RBL2: variants seen among roughly 807,000 people sequenced by gnomAD.
The protein encoded by RBL2 is retinoblastoma-like protein 2.
Under a neutral mutation model 126.0 loss-of-function variants are expected in RBL2, and 56 were observed. The ratio of observed to expected loss-of-function variants is 0.44; its 90% CI spans 0.36 to 0.56. RBL2 has a LOEUF of 0.56. RBL2 is among the 20% of genes least tolerant of loss of function. RBL2 has a pLI of 0.00. For synonymous variants in RBL2, 454 were observed against 478.5 expected (o/e 0.95, Z 0.67); for missense variants, 1,229 against 1,398.2 (o/e 0.88, Z 1.93).
chr16:53,454,890 C>G (rs2058152488), intron 8 of RBL2, 48 bp downstream of exon 8: 6 of 1,442,308 alleles, frequency 4.2e-6, no homozygotes, highest in Non-Finnish European at 5.5e-6. Flanking sequence ...GCAGGTAAGC[C>G]AGGGGTTCTT....
At chr16:53,442,032 T>A (rs771559115) in intron 2 of RBL2, among the ~76,000 whole-genome samples, 9 of 151,968 alleles carry the variant, frequency 5.9e-5, no homozygotes, top group Non-Finnish European at 1.2e-4. Flanking sequence ...ATGTTGGCCA[T>A]GCTGGTTTCA....
chr16:53,447,191 AG>A, intron 4 of RBL2, 85 bp downstream of exon 4: 1 of 678,362 alleles, frequency 1.5e-6, no homozygotes, highest in Non-Finnish European at 2.3e-6. Flanking sequence ...AATATGTATC[AG>A]GAAAAGATTT....
intron 19 of RBL2, 73 bp from the exon 20 acceptor site, chr16:53,480,494 C>T: frequency 7.6e-7 from 1 of 1,320,258 alleles, no homozygotes; most frequent in Non-Finnish European, 1.1e-6. Flanking sequence ...TTCCCTTTCT[C>T]CTACTTTTAA....
rs779698331 is a variant in RBL2, at chr16:53,480,733, G to A, written c.3048G>A (p.Gln1016=). The A allele has an allele frequency of 2.2e-5, 36 of 1,613,248 alleles. No homozygotes were observed. The South Asian group carries it at 3.4e-4, about 15-fold the overall frequency. The part of the protein sequence containing the change: ...IQFYNNIYIK[Q]IKTFAMKYSQ... ...TCTACAACAACATCTACATCAAACA[G>A]ATTAAGACATTTGCCATGAAGTACT... Residue 1016 remains glutamine, a synonymous_variant, in exon 20 of 22, where the codon CAG becomes CAA. Transcript: ENST00000262133.
chr16:53,462,835 A>G (rs547775357), intron 11 of RBL2, among the ~76,000 whole-genome samples, 180 bp downstream of exon 11: 1 of 152,008 alleles, frequency 6.6e-6, no homozygotes, highest in Non-Finnish European at 1.5e-5. Flanking sequence ...TTATGTATGT[A>G]TGTATGTATG....
At position 53,447,043 on chromosome 16, in the gene RBL2, C is replaced by T. The variant is rs2058068934; in HGVS notation, c.574C>T (p.Arg192Ter). The part of the protein sequence containing the change: ...PRQQRGRKQR[R>*]QPCTVSEIFH... ...ACTTTTTTTTTTCTTCCCCCAAAGGCGACAGCCCTGTACTGTGTCTGAAAT... is the reference window on the plus strand; with the variant it reads ...ACTTTTTTTTTTCTTCCCCCAAAGGTGACAGCCCTGTACTGTGTCTGAAAT... The change falls in exon 4 of 22, where the codon CGA (arginine) becomes TGA (stop). Residue 192 changes from arginine (R) to a stop codon, truncating the protein, a stop_gained and splice_region_variant. Transcript: ENST00000262133. LOFTEE classifies it high-confidence loss of function. 6.6e-7 allele frequency: 1 copy of T among 1,516,854 alleles called. No homozygotes were observed. The highest frequency in any genetic ancestry group is 8.8e-7 in the Non-Finnish European group (1 of 1,136,696). The allele number at this position is 1,516,854 out of a possible 1,614,324, so 94.0% of individuals were successfully genotyped here. A position where few individuals can be genotyped will look rare whatever the true frequency, so the allele number is the denominator to read the frequency against.
At chr16:53,481,537 A>C (rs1960946392) in intron 20 of RBL2, 134 bp from the exon 21 acceptor site, 1 of 802,002 alleles carries the variant, frequency 1.2e-6, no homozygotes, top group African/African-American at 1.8e-5. Context: ...TCTTTAGGTT[A>C]AGTTATTGCT....
Position 53,434,669 on chromosome 16 carries a change from C to A in RBL2, c.113C>A (p.Ala38Asp). 15 of 1,572,106 alleles carry A rather than the reference C, an allele frequency of 9.5e-6. No individual in the cohort carries two copies. Among genetic ancestry groups the A allele is most frequent in the Non-Finnish European group, 1.3e-5 (15 of 1,168,546 alleles). ...DGEAEDAAPP[A>D]ESPTPQIQQR... ...GAGGCGGAAGACGCCGCGCCGCCTGCCGAGTCGCCCACCCCTCAGATCCAG... is the reference window on the plus strand; with the variant it reads ...GAGGCGGAAGACGCCGCGCCGCCTGACGAGTCGCCCACCCCTCAGATCCAG... Residue 38 changes from alanine (A) to aspartate (D), a missense_variant, in exon 1 of 22, where the codon GCC (alanine) becomes GAC (aspartate). Transcript: ENST00000262133.
At position 53,437,647 on chromosome 16, in the gene RBL2, G is replaced by A. The variant is rs183898330; in HGVS notation, c.241-1369G>A. 3.9e-5 allele frequency among the ~76,000 whole-genome samples: 6 copies of A among 152,228 alleles called. No individual in the cohort carries two copies. The East Asian group carries it at 7.7e-4, about 20-fold the overall frequency. ...TTTTATGTATTCATGTATGTGTTTT[G>A]ATTAGGTATAAAATTAGTGGCTGAA... On this transcript the variant is annotated intron_variant, in intron 1 of 21. Transcript: ENST00000262133.
At chr16:53,470,307 G>A in intron 15 of RBL2, 76 bp from the exon 16 acceptor site, 1 of 1,567,714 alleles carries the variant, frequency 6.4e-7, no homozygotes, top group Non-Finnish European at 8.7e-7. Flanking sequence ...GTTTGGGAGA[G>A]CAGAAATTGT....
Position 53,454,652 on chromosome 16 carries a change from A to G in RBL2, c.993-4A>G, listed in dbSNP as rs763573438. Reference sequence around the variant, plus strand: ...CATTTTGTCTGTATTTGTTTTTCCTATAGTAAAGCCATCAATAAGGCCTAT... The same window carrying G: ...CATTTTGTCTGTATTTGTTTTTCCTGTAGTAAAGCCATCAATAAGGCCTAT... On this transcript the variant is annotated splice_polypyrimidine_tract_variant and splice_region_variant and intron_variant, in intron 7 of 21. Transcript: ENST00000262133. 2.6e-5 allele frequency: 42 copies of G among 1,602,710 alleles called. No individual in the cohort carries two copies. In the South Asian group the frequency reaches 3.1e-4, roughly 12 times the overall value.
intron 1 of RBL2, among the ~76,000 whole-genome samples, chr16:53,436,251 C>G (rs1008715530): frequency 6.6e-6 from 1 of 152,044 alleles, no homozygotes; most frequent in Non-Finnish European, 1.5e-5. Flanking sequence ...TCCTGTAAAT[C>G]AGATAGAACA....
In RBL2 at chr16:53,442,818, C is replaced by G. The variant is rs1225386883; in HGVS notation, c.532C>G (p.Gln178Glu). ...TTTTCAGGACATCTTTAAATACCCT[C>G]AAGAGGAGCAACCTCGTCAGCAGCG... ...PIFQDIFKYP[Q>E]EEQPRQQRGR... Residue 178 changes from glutamine to glutamate, a missense_variant, in exon 3 of 22, where the codon CAA becomes GAA. Gln to Glu is a conservative substitution (Grantham distance 29). Transcript: ENST00000262133. The G allele has an allele frequency of 1.2e-6, 2 of 1,613,502 alleles. No homozygotes were observed. The highest frequency in any genetic ancestry group is 8.5e-7 in the Non-Finnish European group (1 of 1,179,646).
rs2058137547 is a variant in RBL2, at chr16:53,453,628, A to C, written c.927+16A>C. The C allele has an allele frequency of 6.2e-7, 1 of 1,604,004 alleles. No individual in the cohort carries two copies. Among genetic ancestry groups the C allele is most frequent in the South Asian group, 1.1e-5 (1 of 88,982 alleles). The stretch of plus-strand genomic sequence containing the variant: ...TGAAAAAAAGGTTTGTAAGTAGCAA[A>C]GAAATAACGTGAAAATGTTTTCTGG... On this transcript the variant is annotated intron_variant, in intron 6 of 21. Coordinates refer to ENST00000262133, the MANE Select transcript of RBL2 (RefSeq NM_005611.4).
rs1828600174 is a variant in RBL2, at chr16:53,454,667, A to G, written c.1004A>G (p.Asn335Ser). 3.7e-6 allele frequency: 6 copies of G among 1,611,226 alleles called. No individual in the cohort carries two copies. Among genetic ancestry groups the G allele is most frequent in the Non-Finnish European group, 5.1e-6 (6 of 1,178,046 alleles). Residue 335 changes from asparagine to serine, a missense_variant, in exon 8 of 22, where the codon AAT (asparagine) becomes AGT (serine). By Grantham distance (46) the Asn-to-Ser change is conservative (BLOSUM62 1). Around this residue, in one of 2 missense-constraint regions of RBL2, gnomAD observed 1,070 missense variants for 1,274.3 expected, o/e 0.84. Transcript: ENST00000262133. Reference protein sequence around the residue: ...GNFGESFKAINKAYEEYVLSV... With the variant: ...GNFGESFKAISKAYEEYVLSV... ...TGTTTTTCCTATAGTAAAGCCATCA[A>G]TAAGGCCTATGAGGAGTATGTTTTA...
chr16:53,460,622 G>C (rs1380366157), intron 9 of RBL2, among the ~76,000 whole-genome samples: 3 of 152,010 alleles, frequency 2.0e-5, no homozygotes, highest in African/African-American at 7.3e-5. Context: ...TAAATCTTAG[G>C]TACCATTAGT....
intron 1 of RBL2, 125 bp downstream of exon 1, chr16:53,434,921 G>C: frequency 7.5e-7 from 1 of 1,338,724 alleles, no homozygotes; most frequent in Non-Finnish European, 9.7e-7. Context: ...GAGGGGTGGG[G>C]ACTTCCTCTG....
chr16:53,475,413 C>G (rs1466211396), intron 17 of RBL2, among the ~76,000 whole-genome samples: 1 of 151,894 alleles, frequency 6.6e-6, no homozygotes, highest in Non-Finnish European at 1.5e-5. Context: ...ATGGAATTTC[C>G]CCATGTTGCC....
intron 17 of RBL2, among the ~76,000 whole-genome samples, chr16:53,476,806 T>C (rs1960741514): frequency 6.6e-6 from 1 of 152,234 alleles, no homozygotes; most frequent in South Asian, 2.1e-4. Flanking sequence ...AGCTTTCTTA[T>C]GGTTGCTGTC....
Sources: gnomAD v4.1 joint callset for allele counts (sites outside exome capture counted in the v4.1 genomes callset) on GRCh38, gnomAD v4.1.1 for gene constraint, gnomAD v4.1.1 regional missense constraint, MANE v1.5 for transcripts, NCBI Gene and HGNC (gene_info 2026-07-23, HGNC 2026-07-21) for gene names.